RIMBP2: variants seen among roughly 807,000 people sequenced by gnomAD.
The protein encoded by RIMBP2 is RIMS binding protein 2, also known as RIMS-binding protein 2.
A neutral mutation model predicts 118.6 loss-of-function variants in RIMBP2; 48 were observed. That is an observed-to-expected ratio of 0.40 (90% CI 0.32 to 0.51). RIMBP2 has a LOEUF of 0.51. Ranked by LOEUF, RIMBP2 falls within the 20% of genes least tolerant of loss-of-function variation. The probability of loss-of-function intolerance (pLI) is 0.41; values close to 1 mark genes in which losing one functional copy is unlikely to be tolerated. For synonymous variants in RIMBP2, 762 were observed against 742.9 expected, an observed-to-expected ratio of 1.03 and a Z score of -0.42; for missense variants, 1,551 against 1,768.3, an observed-to-expected ratio of 0.88 and a Z score of 2.20.
At chr12:130,601,592 T>C (rs1041288285) in intron 2 of RIMBP2, among the ~76,000 whole-genome samples, 2 of 152,170 alleles carry the variant, frequency 1.3e-5, no homozygotes, top group African/African-American at 2.4e-5. Flanking sequence ...GGGGAGAGGT[T>C]TATGAGCTCT....
intron 1 of RIMBP2, among the ~76,000 whole-genome samples, chr12:130,678,803 G>A (rs1285181435): frequency 6.6e-6 from 1 of 152,226 alleles, no homozygotes; most frequent in Non-Finnish European, 1.5e-5. Context: ...ACAGGCGTAA[G>A]TCACCATCCC....
At chr12:130,461,529 C>T (rs1212265800) in intron 6 of RIMBP2, among the ~76,000 whole-genome samples, 1 of 152,118 alleles carries the variant, frequency 6.6e-6, no homozygotes, top group African/African-American at 2.4e-5. Flanking sequence ...GCTAAAGCTT[C>T]TGGTTTCCCA....
chr12:130,678,060 C>T (rs956429342), intron 1 of RIMBP2, among the ~76,000 whole-genome samples: 4 of 152,190 alleles, frequency 2.6e-5, no homozygotes, highest in African/African-American at 9.7e-5. Flanking sequence ...TTCTGGATTG[C>T]CTGAGGGTGA....
chr12:130,572,712 G>A (rs1031999326), intron 2 of RIMBP2, among the ~76,000 whole-genome samples: 2 of 152,044 alleles, frequency 1.3e-5, no homozygotes, highest in Non-Finnish European at 2.9e-5. Context: ...TCCAGAGGCT[G>A]TGCAGGGACT....
chr12:130,547,783 C>T (rs1191163937), intron 2 of RIMBP2, among the ~76,000 whole-genome samples: 1 of 152,218 alleles, frequency 6.6e-6, no homozygotes, highest in Non-Finnish European at 1.5e-5. Context: ...ACTGCCTACG[C>T]TCGTTCCCAC....
intron 1 of RIMBP2, among the ~76,000 whole-genome samples, chr12:130,641,984 G>A (rs1000842086): frequency 6.6e-6 from 1 of 152,082 alleles, no homozygotes; most frequent in Non-Finnish European, 1.5e-5. Context: ...AGAAAACTGA[G>A]GCAACCAGAG....
intron 1 of RIMBP2, among the ~76,000 whole-genome samples, chr12:130,676,988 T>C (rs1216395972): frequency 6.6e-6 from 1 of 152,166 alleles, no homozygotes; most frequent in Non-Finnish European, 1.5e-5. Context: ...AGTGTGCACC[T>C]AGAAAGGCAC....
intron 1 of RIMBP2, among the ~76,000 whole-genome samples, chr12:130,630,313 TA>T (rs1256911268): frequency 1.3e-5 from 2 of 151,298 alleles, no homozygotes; most frequent in Admixed American, 1.3e-4. Flanking sequence ...AAAATTAACA[TA>T]AAAATTAATT....
chr12:130,596,831 T>C (rs2059589980), intron 2 of RIMBP2, among the ~76,000 whole-genome samples: 4 of 152,208 alleles, frequency 2.6e-5, no homozygotes, highest in African/African-American at 9.6e-5. Context: ...TAAGTATTTC[T>C]ACAAAAATAA....
rs2078988619 is a variant in RIMBP2, at chr12:130,451,274, C to T, written c.425G>A (p.Gly142Asp). ...GEYIRPLPQP[G>D]DRPEPLSAKP... ...GGCGGACAGAGGCTCCGGCCTGTCA[C>T]CAGGCTGCGGAAGGGGCCGGATATA... The change falls in exon 8 of 23, where the codon GGT becomes GAT. Residue 142 changes from glycine (G) to aspartate (D), a missense_variant. Coordinates refer to ENST00000690449, the MANE Select transcript of RIMBP2 (RefSeq NM_001393629.1). The T allele has an allele frequency of 6.2e-7, 1 of 1,614,090 alleles. No individual in the cohort carries two copies. The highest frequency in any genetic ancestry group is 1.1e-5 in the South Asian group (1 of 91,086).
chr12:130,575,597 A>G (rs2058033842), intron 2 of RIMBP2, among the ~76,000 whole-genome samples: 1 of 152,156 alleles, frequency 6.6e-6, no homozygotes, highest in Non-Finnish European at 1.5e-5. Flanking sequence ...GGCACTGGGG[A>G]TCCAAATGTG....
In RIMBP2 at chr12:130,447,175, G is replaced by A. The variant is rs1173376762; in HGVS notation, c.582-1906C>T. ...GCTCAGGAAGAGAAGCTTCCCCAGG[G>A]AGCAGGTAGGGAAGACACACCCTGA... On this transcript the variant is annotated intron_variant, in intron 9 of 22. Coordinates refer to ENST00000690449, the MANE Select transcript of RIMBP2 (RefSeq NM_001393629.1). This position sits in a 1 kb window ranked among gnomAD's most constrained non-coding sequence, Gnocchi z 4.4. Among the ~76,000 whole-genome samples, 2 of 151,990 alleles carry A rather than the reference G, an allele frequency of 1.3e-5. No individual in the cohort carries two copies. The highest frequency in any genetic ancestry group is 2.9e-5 in the Non-Finnish European group (2 of 67,996).
intron 4 of RIMBP2, among the ~76,000 whole-genome samples, chr12:130,504,734 C>A (rs1225357166): frequency 6.6e-6 from 1 of 152,022 alleles, no homozygotes; most frequent in East Asian, 1.9e-4. Flanking sequence ...CGATAAGAAA[C>A]AGACACACGG....
At chr12:130,421,691 ATGTGTGTG>A (rs35161782) in intron 17 of RIMBP2, among the ~76,000 whole-genome samples, 3,092 of 147,288 alleles carry the variant, frequency 0.021, 125 homozygotes, top group African/African-American at 0.075. Flanking sequence ...CTGCATTTAT[ATGTGTGTG>A]TGTGTGTGTG....
At chr12:130,600,000 C>A (rs1274683831) in intron 2 of RIMBP2, among the ~76,000 whole-genome samples, 1 of 152,112 alleles carries the variant, frequency 6.6e-6, no homozygotes, top group Admixed American at 6.6e-5. Flanking sequence ...AGAATGTAAC[C>A]GTCTGTCTCT....
chr12:130,652,281 A>G (rs1347465491), intron 1 of RIMBP2, among the ~76,000 whole-genome samples: 1 of 152,234 alleles, frequency 6.6e-6, no homozygotes, highest in East Asian at 1.9e-4. Flanking sequence ...ACTTGTTTAC[A>G]TAGTATCTAT....
In RIMBP2 at chr12:130,438,514, G is replaced by C. The variant is rs768762388; in HGVS notation, c.1507C>G (p.Pro503Ala). Residue 503 changes from proline (P) to alanine (A), a missense_variant and splice_region_variant, in exon 12 of 23, where the codon CCC (proline) becomes GCC (alanine). Pro to Ala is a conservative substitution (Grantham distance 27). Transcript: ENST00000690449. ...GTAACATCTTGTGGGGGTGCTGGGG[G>C]TCCTGGGAGGGGACAGAAGGGAACG... ...FVEFSTLPAG[P>A]PAPPQDVTVQ... 2 of 1,599,058 alleles carry C rather than the reference G, an allele frequency of 1.3e-6. No individual in the cohort carries two copies. The highest frequency in any genetic ancestry group is 3.4e-5 in the Admixed American group (2 of 58,756).
At position 130,603,563 on chromosome 12, in the gene RIMBP2, T is replaced by C. The variant is rs76168341; in HGVS notation, c.-217+24759A>G. ...GAAAATTTACATAAAACCATGTTTT[T>C]ATGGAGACTGACAGATGGGTAAGTA... On this transcript the variant is annotated intron_variant, in intron 2 of 22. Coordinates refer to ENST00000690449, the MANE Select transcript of RIMBP2 (RefSeq NM_001393629.1). Among the ~76,000 whole-genome samples the C allele has an allele frequency of 1.5e-3, 234 of 152,332 alleles. 5 individuals carry two copies. The East Asian group carries it at 0.04, about 26-fold the overall frequency.
intron 1 of RIMBP2, among the ~76,000 whole-genome samples, chr12:130,673,321 A>G (rs1022123420): frequency 3.9e-5 from 6 of 152,194 alleles, no homozygotes; most frequent in African/African-American, 1.4e-4. Flanking sequence ...CACCCCATCA[A>G]CCTGTTGCCG....
Sources: allele counts gnomAD v4.1 joint callset (sites outside exome capture counted in the v4.1 genomes callset), GRCh38; gene constraint gnomAD v4.1.1; non-coding constraint Gnocchi (gnomAD v3.1); transcripts MANE v1.5; gene names NCBI Gene and HGNC (gene_info 2026-07-23, HGNC 2026-07-21).